The following PEBP4 variants were observed in gnomAD, a reference collection of about 807,000 sequenced individuals.
PEBP4 encodes phosphatidylethanolamine binding protein 4, also known as phosphatidylethanolamine-binding protein 4.
Under a neutral mutation model 23.9 loss-of-function variants are expected in PEBP4, and 22 were observed. That is an observed-to-expected ratio of 0.92 (90% CI 0.66 to 1.31). PEBP4 has a LOEUF of 1.31. PEBP4 is among the 40% of genes most tolerant of loss of function. The pLI is 0.00. For synonymous variants in PEBP4, 112 were observed against 99.3 expected, an observed-to-expected ratio of 1.13 and a Z score of -0.76; for missense variants, 324 against 281.7, an observed-to-expected ratio of 1.15 and a Z score of -1.07.
intron 3 of PEBP4, among the ~76,000 whole-genome samples, chr8:22,898,180 C>T (rs1402008035): frequency 1.3e-5 from 2 of 151,768 alleles, no homozygotes; most frequent in African/African-American, 4.8e-5. Flanking sequence ...TCACCTGAGG[C>T]CAGGAGTTTG....
chr8:22,732,326 T>G (rs1205483926), intron 4 of PEBP4, among the ~76,000 whole-genome samples: 2 of 152,108 alleles, frequency 1.3e-5, no homozygotes. Context: ...TCATCACATG[T>G]TCTCACTTAT....
At chr8:22,739,085 G>T (rs186636276) in intron 4 of PEBP4, among the ~76,000 whole-genome samples, 103 of 152,214 alleles carry the variant, frequency 6.8e-4, no homozygotes, top group African/African-American at 2.3e-3. Flanking sequence ...TTAGCACTGA[G>T]GTCTGTGAGT....
intron 4 of PEBP4, among the ~76,000 whole-genome samples, chr8:22,810,630 G>C (rs1806598871): frequency 6.6e-6 from 1 of 151,756 alleles, no homozygotes; most frequent in African/African-American, 2.4e-5. Flanking sequence ...AGTTGGGTGA[G>C]CGAGACTGTG....
At chr8:22,787,765 T>TC (rs1806054965) in intron 4 of PEBP4, among the ~76,000 whole-genome samples, 1 of 152,114 alleles carries the variant, frequency 6.6e-6, no homozygotes, top group Non-Finnish European at 1.5e-5. Flanking sequence ...GGTGCTAAGT[T>TC]CCCTGATGGG....
At chr8:22,881,764 T>C (rs1039472753) in intron 3 of PEBP4, among the ~76,000 whole-genome samples, 3 of 152,204 alleles carry the variant, frequency 2.0e-5, no homozygotes, top group Admixed American at 6.5e-5. Flanking sequence ...GGCAGTAGCA[T>C]ACAGCAATTA....
intron 4 of PEBP4, among the ~76,000 whole-genome samples, chr8:22,728,613 C>CCTTCCTTCCTTCCCT (rs1563196431): frequency 1.8e-4 from 18 of 101,054 alleles, no homozygotes; most frequent in African/African-American, 8.7e-4. Flanking sequence ...CCTTCCTTCC[C>CCTTCCTTCCTTCCCT]TTTTTTTGGA....
intron 4 of PEBP4, among the ~76,000 whole-genome samples, chr8:22,812,579 G>C (rs888747134): frequency 1.3e-5 from 2 of 152,174 alleles, no homozygotes; most frequent in African/African-American, 4.8e-5. Context: ...GTCAAAGCAT[G>C]CATGGGAAAC....
At chr8:22,738,539 G>C (rs1171496411) in intron 4 of PEBP4, among the ~76,000 whole-genome samples, 1 of 152,176 alleles carries the variant, frequency 6.6e-6, no homozygotes, top group African/African-American at 2.4e-5. Context: ...GTGTGAGATG[G>C]GAGAAGCTGG....
intron 3 of PEBP4, among the ~76,000 whole-genome samples, chr8:22,851,652 G>A (rs542936451): frequency 6.6e-6 from 1 of 152,234 alleles, no homozygotes; most frequent in Non-Finnish European, 1.5e-5. Context: ...CTGACAACGA[G>A]CAGAAAAATC....
intron 6 of PEBP4, among the ~76,000 whole-genome samples, chr8:22,721,343 G>A (rs958462770): frequency 2.6e-5 from 4 of 152,040 alleles, no homozygotes; most frequent in Non-Finnish European, 5.9e-5. Flanking sequence ...GATCAGAGTC[G>A]GGACATCAAG....
chr8:22,720,167 G>A (rs1056939102), intron 6 of PEBP4, among the ~76,000 whole-genome samples: 6 of 152,232 alleles, frequency 3.9e-5, no homozygotes, highest in Non-Finnish European at 8.8e-5. Context: ...GGGCCGCCAC[G>A]AGTGGCAAGT....
chr8:22,727,259 G>T, intron 4 of PEBP4, 39 bp from the exon 5 acceptor site: 1 of 1,608,552 alleles, frequency 6.2e-7, no homozygotes, highest in South Asian at 1.1e-5. Flanking sequence ...GTTATGTCTT[G>T]GGCACACTTC....
intron 4 of PEBP4, among the ~76,000 whole-genome samples, chr8:22,786,638 C>A (rs1223741808): frequency 6.6e-6 from 1 of 152,102 alleles, no homozygotes; most frequent in Non-Finnish European, 1.5e-5. Context: ...GTTGCTAGGG[C>A]AGCAGCTTGG....
intron 3 of PEBP4, among the ~76,000 whole-genome samples, chr8:22,905,058 T>C (rs1052812217): frequency 3.9e-5 from 6 of 152,256 alleles, no homozygotes; most frequent in African/African-American, 4.8e-5. Context: ...ATAGGCATTA[T>C]TGAATCATCA....
chr8:22,773,925 A>C (rs972402056), intron 4 of PEBP4, among the ~76,000 whole-genome samples: 6 of 152,190 alleles, frequency 3.9e-5, no homozygotes, highest in Non-Finnish European at 5.9e-5. Context: ...AACTCCGTGC[A>C]GTCCCCTTAA....
At chr8:22,797,165 A>G (rs1455225748) in intron 4 of PEBP4, among the ~76,000 whole-genome samples, 1 of 151,694 alleles carries the variant, frequency 6.6e-6, no homozygotes, top group Non-Finnish European at 1.5e-5. Context: ...GAGGCAGAAG[A>G]ATCGCTTGAC....
At chr8:22,779,814 T>C (rs1038310409) in intron 4 of PEBP4, among the ~76,000 whole-genome samples, 2 of 152,142 alleles carry the variant, frequency 1.3e-5, no homozygotes, top group Non-Finnish European at 2.9e-5. Context: ...CAAGAATAAA[T>C]GGGAGGAAAC....
intron 3 of PEBP4, among the ~76,000 whole-genome samples, chr8:22,830,147 T>TGTGTGTGTGTG (rs1393564112): frequency 1.4e-4 from 11 of 80,900 alleles, no homozygotes; most frequent in Admixed American, 3.4e-4. Context: ...GTGTGTGTGT[T>TGTGTGTGTGTG]TTTACGGAGT....
intron 4 of PEBP4, among the ~76,000 whole-genome samples, chr8:22,759,845 G>A (rs976187403): frequency 1.3e-5 from 2 of 152,168 alleles, no homozygotes; most frequent in South Asian, 4.1e-4. Context: ...ACATAGCAGT[G>A]TGACACGGAG....
Sources: gnomAD v4.1 joint callset for allele counts (sites outside exome capture counted in the v4.1 genomes callset) on GRCh38, gnomAD v4.1.1 for gene constraint, MANE v1.5 for transcripts, NCBI Gene and HGNC (gene_info 2026-07-23, HGNC 2026-07-21) for gene names.